Variants in MINDY4 observed in about 807,000 individuals in gnomAD.
MINDY4 encodes MINDY lysine 48 deubiquitinase 4.
A neutral mutation model predicts 87.0 loss-of-function variants in MINDY4; 68 were observed. That is an observed-to-expected ratio of 0.78 (90% CI 0.64 to 0.96). MINDY4 has a LOEUF of 0.96. MINDY4 is among the 40% of genes least tolerant of loss of function. The pLI, the probability that MINDY4 is intolerant of heterozygous loss-of-function variation, is 0.00. For missense variants in MINDY4, 919 were observed against 928.2 expected, an observed-to-expected ratio of 0.99 and a Z score of 0.13; for synonymous variants, 379 against 363.2, an observed-to-expected ratio of 1.04 and a Z score of -0.50.
intron 15 of MINDY4, among the ~76,000 whole-genome samples, chr7:30,881,273 T>C (rs1289127371): frequency 6.6e-6 from 1 of 152,182 alleles, no homozygotes; most frequent in Non-Finnish European, 1.5e-5. Context: ...TCTCTTCCCA[T>C]TGTAGTCAAG....
rs374313415 is a variant in MINDY4 at position 30,873,103 on chromosome 7, G to A, written c.1809+797G>A. Among the ~76,000 whole-genome samples, 96 of 152,328 alleles carry A rather than the reference G, an allele frequency of 6.3e-4. 1 individual carries two copies. The East Asian group carries it at 0.014, about 22-fold the overall frequency. On this transcript the variant is annotated intron_variant, in intron 14 of 17. Transcript: ENST00000265299. ...CTTGCGCCCAGCTCTGGAAACCTAC[G>A]TGGGCACCATACAAGGCAAGCTTGG...
At chr7:30,807,972 T>C (rs970952176) in intron 5 of MINDY4, among the ~76,000 whole-genome samples, 1 of 152,236 alleles carries the variant, frequency 6.6e-6, no homozygotes, top group Non-Finnish European at 1.5e-5. Flanking sequence ...TGAGGGGTTT[T>C]GTCTGCGGCT....
At chr7:30,859,130 C>CT in intron 12 of MINDY4, 127 bp from the exon 13 acceptor site, 1 of 889,444 alleles carries the variant, frequency 1.1e-6, no homozygotes, top group Non-Finnish European at 1.9e-6. Flanking sequence ...CCAGCAACCC[C>CT]AGGGCTGGGC....
At chr7:30,787,597 C>T (rs1787193127) in intron 4 of MINDY4, among the ~76,000 whole-genome samples, 2 of 152,142 alleles carry the variant, frequency 1.3e-5, no homozygotes, top group Non-Finnish European at 1.5e-5. Context: ...AGTGGTGTAG[C>T]CTTGCCTAGT....
chr7:30,771,851 G>A (rs1786647732), intron 1 of MINDY4, among the ~76,000 whole-genome samples: 2 of 152,218 alleles, frequency 1.3e-5, no homozygotes, highest in Admixed American at 1.3e-4. Context: ...GGGCCTGGGG[G>A]CCGCGCCAAG....
In MINDY4 at chr7:30,785,637, A is replaced by G. The variant is rs578241060; in HGVS notation, c.420-112A>G. ...ACGCACTGGCTGGTTAGAAGTCATC[A>G]TAGATTTATTAATGGGCTTGCTTTG... On this transcript the variant is annotated intron_variant, in intron 3 of 17. Coordinates refer to ENST00000265299, the MANE Select transcript of MINDY4 (RefSeq NM_032222.3). 2.3e-6 allele frequency: 3 copies of G among 1,307,790 alleles called. No individual in the cohort carries two copies. The South Asian group carries it at 4.1e-5, about 18-fold the overall frequency. 81.0% of individuals were successfully genotyped at this position (1,307,790 alleles called of 1,614,324 possible). A position where few individuals can be genotyped will look rare whatever the true frequency, so the allele number is the denominator to read the frequency against.
intron 5 of MINDY4, among the ~76,000 whole-genome samples, chr7:30,807,147 G>A (rs1413726771): frequency 6.6e-6 from 1 of 152,200 alleles, no homozygotes; most frequent in African/African-American, 2.4e-5. Context: ...CACCATCTGA[G>A]GATTAGAGGC....
chr7:30,855,748 G>A (rs1385096109), intron 12 of MINDY4, among the ~76,000 whole-genome samples: 1 of 152,260 alleles, frequency 6.6e-6, no homozygotes. Flanking sequence ...ATTTGTTCCA[G>A]GGCGAGGGGG....
At chr7:30,872,170 G>T (rs1562562126) in intron 13 of MINDY4, 73 bp from the exon 14 acceptor site, 3 of 1,388,654 alleles carry the variant, frequency 2.2e-6, no homozygotes, top group Admixed American at 1.7e-5. Context: ...TAAGGGGAGC[G>T]CCTGGTCACC....
intron 5 of MINDY4, among the ~76,000 whole-genome samples, chr7:30,815,704 TA>T (rs1788127407): frequency 6.6e-6 from 1 of 152,114 alleles, no homozygotes; most frequent in African/African-American, 2.4e-5. Flanking sequence ...CTCCCTGGGG[TA>T]ACATCACATC....
At chr7:30,816,997 T>C (rs1788170053) in intron 5 of MINDY4, among the ~76,000 whole-genome samples, 1 of 152,252 alleles carries the variant, frequency 6.6e-6, no homozygotes, top group Non-Finnish European at 1.5e-5. Context: ...GTGCACGCGA[T>C]GACTTCTCGA....
chr7:30,859,462 G>C (rs1025827969), intron 13 of MINDY4, 138 bp downstream of exon 13: 8 of 808,382 alleles, frequency 9.9e-6, no homozygotes, highest in Non-Finnish European at 1.6e-5. Flanking sequence ...TGAAGCAGTG[G>C]AGTAGGGGAA....
At chr7:30,778,049 T>A (rs1786880989) in intron 1 of MINDY4, among the ~76,000 whole-genome samples, 1 of 152,208 alleles carries the variant, frequency 6.6e-6, no homozygotes, top group African/African-American at 2.4e-5. Context: ...TGTGTTACAT[T>A]GGGCAAGTCA....
At chr7:30,834,193 G>A (rs1468382372) in intron 6 of MINDY4, among the ~76,000 whole-genome samples, 1 of 152,194 alleles carries the variant, frequency 6.6e-6, no homozygotes, top group Non-Finnish European at 1.5e-5. Context: ...CTCCATGAGG[G>A]CCCCGCCCCT....
chr7:30,791,647 T>A (rs62446940), intron 5 of MINDY4, 73 bp downstream of exon 5: 125,830 of 1,457,602 alleles, frequency 0.086, 6,106 homozygotes, highest in Middle Eastern at 0.12. Flanking sequence ...TAGTCCCTAA[T>A]GGCTCCGAAG....
At chr7:30,792,300 G>A (rs541899856) in intron 5 of MINDY4, among the ~76,000 whole-genome samples, 16 of 152,230 alleles carry the variant, frequency 1.1e-4, no homozygotes, top group East Asian at 1.9e-4. Context: ...TTAATATTTC[G>A]TGTAGGGGTT....
Position 30,810,209 on chromosome 7 carries a change from A to G in MINDY4, c.1074-18470A>G, listed in dbSNP as rs1287095050. Among the ~76,000 whole-genome samples the G allele has an allele frequency of 2.7e-5, 4 of 150,182 alleles. No individual in the cohort carries two copies. In the East Asian group the frequency reaches 7.7e-4, roughly 29 times the overall value. ...AAAAAAAAAAAAAAGAAATGTTTAT[A>G]ATAAGTCAGAAAGTTGAGGCATGTC... On this transcript the variant is annotated intron_variant, in intron 5 of 17. Transcript: ENST00000265299.
At chr7:30,823,606 A>G (rs1000237634) in intron 5 of MINDY4, among the ~76,000 whole-genome samples, 2 of 152,030 alleles carry the variant, frequency 1.3e-5, no homozygotes, top group African/African-American at 2.4e-5. Context: ...TTCTTTTTTC[A>G]TAATGTCTAG....
chr7:30,798,960 A>C (rs1385544731), intron 5 of MINDY4, among the ~76,000 whole-genome samples: 3 of 151,958 alleles, frequency 2.0e-5, no homozygotes, highest in African/African-American at 7.3e-5. Context: ...GGTTTTATTG[A>C]AGCTGTTTAA....
Sources: gnomAD v4.1 joint callset for allele counts (sites outside exome capture counted in the v4.1 genomes callset) on GRCh38, gnomAD v4.1.1 for gene constraint, MANE v1.5 for transcripts, NCBI Gene and HGNC (gene_info 2026-07-23, HGNC 2026-07-21) for gene names.